MACF1: variants seen among roughly 807,000 people sequenced by gnomAD.
MACF1 encodes the protein microtubule-actin cross-linking factor 1.
A neutral mutation model predicts 854.8 loss-of-function variants in MACF1; 193 were observed. That is an observed-to-expected ratio of 0.23 (90% confidence interval 0.20 to 0.25). The LOEUF (loss-of-function observed/expected upper bound fraction) is 0.25, where lower values mean the gene tolerates loss of function less well. Among genes scored for constraint, MACF1 ranks in the 10% least tolerant of loss-of-function variants. The probability of loss-of-function intolerance (pLI) is 1.00; values close to 1 mark genes in which losing one functional copy is unlikely to be tolerated. For synonymous variants in MACF1, 3,185 were observed against 3,226.7 expected (o/e 0.99, Z 0.44); for missense variants, 7,722 against 8,929.1 (o/e 0.86, Z 5.45).
At chr1:39,401,829 A>G (rs12079417) in intron 58 of MACF1, among the ~76,000 whole-genome samples, 4,782 of 152,294 alleles carry the variant, frequency 0.031, 233 homozygotes, top group African/African-American at 0.11. Flanking sequence ...GTCATCAATG[A>G]TAAGAATTTT....
chr1:39,187,995 C>CCCTT (rs1644200754), intron 2 of MACF1, among the ~76,000 whole-genome samples: 1 of 71,692 alleles, frequency 1.4e-5, no homozygotes, highest in Non-Finnish European at 3.1e-5. Context: ...CCCCTCCCCT[C>CCCTT]CCCTTCCCTT....
chr1:39,327,105 A>G, intron 35 of MACF1, 113 bp from the exon 36 acceptor site: 1 of 1,041,884 alleles, frequency 9.6e-7, no homozygotes, highest in East Asian at 2.6e-5. Context: ...TCCGATGAAT[A>G]TGGAAGAAGA....
At chr1:39,192,238 C>T (rs558941066) in intron 2 of MACF1, among the ~76,000 whole-genome samples, 4 of 152,214 alleles carry the variant, frequency 2.6e-5, no homozygotes, top group South Asian at 4.2e-4. Context: ...GGAGGATGCA[C>T]GCTGGGGAAA....
rs1571044659 is a variant in MACF1, at chr1:39,105,571, G to A, written c.220+21133G>A. ...TGGGGCCGCCGCCGCCTCAGCGCGC[G>A]GGCCTGGAACCGGCAGCCCCCGGGG... On this transcript the variant is annotated intron_variant, in intron 2 of 93. Coordinates refer to the MACF1 transcript ENST00000361689. This position sits in a 1 kb window ranked among gnomAD's most constrained non-coding sequence, Gnocchi z 5.9. 6 of 1,117,246 alleles carry A rather than the reference G, an allele frequency of 5.4e-6. No individual in the cohort carries two copies. The highest frequency in any genetic ancestry group is 6.6e-6 in the Non-Finnish European group (6 of 907,122). 69.2% of individuals were successfully genotyped at this position (1,117,246 alleles called of 1,614,324 possible).
intron 20 of MACF1, among the ~76,000 whole-genome samples, chr1:39,296,365 A>C (rs1251325964): frequency 1.3e-5 from 2 of 151,900 alleles, no homozygotes; most frequent in Non-Finnish European, 2.9e-5. Flanking sequence ...AATAGACTCC[A>C]CCTCTTGATG....
chr1:39,358,678 C>T lies in MACF1; in HGVS notation c.11944-19C>T, dbSNP rs766048917. 4 of 1,611,400 alleles carry T rather than the reference C, an allele frequency of 2.5e-6. No homozygotes were observed. The highest frequency in any genetic ancestry group is 3.4e-6 in the Non-Finnish European group (4 of 1,179,330). On this transcript the variant is annotated intron_variant, in intron 45 of 100. Coordinates refer to ENST00000564288, the MANE Select transcript of MACF1 (RefSeq NM_001394062.1). The stretch of plus-strand genomic sequence containing the variant: ...CCTGACCTTGCTTAAGTCTGCTTAC[C>T]TTTCTTTCTCTGGCACAGTGTACAC...
At chr1:39,414,061 G>A (rs566982070) in intron 58 of MACF1, 1 of 1,606,248 alleles carries the variant, frequency 6.2e-7, no homozygotes, top group Admixed American at 1.7e-5. Context: ...CACCCCAGAG[G>A]AACTCAGTTC....
In MACF1 at chr1:39,360,787, T is replaced by C. The variant is rs375133070; in HGVS notation, c.12245-6T>C. Reference sequence around the variant, plus strand: ...CACTCTTTCTTTTCATGGCCTGATTTTTCAGATTCCATACTCAGCCACTTC... The same window carrying C: ...CACTCTTTCTTTTCATGGCCTGATTCTTCAGATTCCATACTCAGCCACTTC... On this transcript the variant is annotated splice_polypyrimidine_tract_variant and splice_region_variant and intron_variant, in intron 47 of 100. Coordinates refer to ENST00000564288, the MANE Select transcript of MACF1 (RefSeq NM_001394062.1). 110 of 1,585,916 alleles carry C rather than the reference T, an allele frequency of 6.9e-5. No individual in the cohort carries two copies. The highest frequency in any genetic ancestry group is 4.5e-5 in the Non-Finnish European group (52 of 1,164,648).
chr1:39,463,490 CAAAAA>C, intron 93 of MACF1, 117 bp from the exon 94 acceptor site: 1 of 511,198 alleles, frequency 2.0e-6, no homozygotes, highest in South Asian at 2.1e-5. Flanking sequence ...AACTCCATCT[CAAAAA>C]AAAAAAAAAA....
intron 2 of MACF1, among the ~76,000 whole-genome samples, chr1:39,141,951 G>T (rs528724745): frequency 6.6e-6 from 1 of 152,310 alleles, no homozygotes; most frequent in South Asian, 2.1e-4. Context: ...AGAGGAAGGT[G>T]CCTGTGCTCT....
chr1:39,385,529 G>A lies in MACF1; in HGVS notation c.13944G>A (p.Leu4648=). ...TAACAGGCCCTGGAGATGTCTCTCT[G>A]TCCACCAGCCAAGTACAGAAAGAAC... The part of the protein sequence containing the change: ...GILTGPGDVS[L]STSQVQKELQ... The change falls in exon 57 of 101, where the codon CTG becomes CTA. Residue 4648 remains leucine (L), a synonymous_variant. Transcript: ENST00000564288. 6.2e-7 allele frequency: 1 copy of A among 1,614,178 alleles called. No homozygotes were observed. The highest frequency in any genetic ancestry group is 8.5e-7 in the Non-Finnish European group (1 of 1,180,038).
intron 6 of MACF1, among the ~76,000 whole-genome samples, chr1:39,273,131 ATTTTTTTTTTTT>A (rs561821846): frequency 1.7e-5 from 2 of 120,448 alleles, no homozygotes; most frequent in African/African-American, 6.4e-5. Flanking sequence ...CTCTATACCA[ATTTTTTTTTTTT>A]TTTTTTTTTT....
At chr1:39,186,986 A>AT (rs11427661) in intron 2 of MACF1, among the ~76,000 whole-genome samples, 6,315 of 134,548 alleles carry the variant, frequency 0.047, 333 homozygotes, top group African/African-American at 0.13. Context: ...GTGATTCTTG[A>AT]TTTTTTTTTT....
At position 39,357,658 on chromosome 1, in the gene MACF1, T is replaced by C; in HGVS notation, c.11708T>C (p.Met3903Thr). The C allele has an allele frequency of 1.2e-6, 2 of 1,614,094 alleles. No homozygotes were observed. Among genetic ancestry groups the C allele is most frequent in the Non-Finnish European group, 1.7e-6 (2 of 1,180,010 alleles). Reference sequence around the variant, plus strand: ...CGATCCGAGAAAGAGCTGGAGAACATGCATAAGGGAGGCAGCAGCCCCGAG... The same window carrying C: ...CGATCCGAGAAAGAGCTGGAGAACACGCATAAGGGAGGCAGCAGCCCCGAG... Reference protein sequence around the residue: ...LERSEKELENMHKGGSSPETL... With the variant: ...LERSEKELENTHKGGSSPETL... The change falls in exon 45 of 101, where the codon ATG (methionine) becomes ACG (threonine). Residue 3903 changes from methionine (M) to threonine (T), a missense_variant. Physicochemically the swap from Met to Thr is moderately conservative, Grantham distance 81 (BLOSUM62 -1). This residue lies in a region of MACF1 where 2,807 missense variants were observed against 3,235.8 expected (regional missense o/e 0.87). Transcript: ENST00000564288.
At chr1:39,355,700 G>A (rs1417202473) in intron 44 of MACF1, among the ~76,000 whole-genome samples, 1 of 151,970 alleles carries the variant, frequency 6.6e-6, no homozygotes, top group Non-Finnish European at 1.5e-5. Context: ...TCTTGGCCTC[G>A]TGATCCACCC....
Position 39,388,580 on chromosome 1 carries a change from A to G in MACF1, c.15738A>G (p.Ala5246=). ...AAGGACTCAATGACGCGACCACAGCAGCAGAGGAGGCAGAGGCCCTCCAGT... is the reference window on the plus strand; with the variant it reads ...AAGGACTCAATGACGCGACCACAGCGGCAGAGGAGGCAGAGGCCCTCCAGT... ...KLKGLNDATT[A]AEEAEALQWV... The change falls in exon 58 of 101, where the codon GCA becomes GCG. Residue 5246 remains alanine (A), a synonymous_variant. Transcript: ENST00000564288. The G allele has an allele frequency of 6.2e-7, 1 of 1,614,036 alleles. No homozygotes were observed. Among genetic ancestry groups the G allele is most frequent in the East Asian group, 2.2e-5 (1 of 44,880 alleles).
intron 57 of MACF1, among the ~76,000 whole-genome samples, chr1:39,386,749 G>C (rs1043895440): frequency 6.6e-6 from 1 of 151,742 alleles, no homozygotes; most frequent in Non-Finnish European, 1.5e-5. Flanking sequence ...ATTTTTAGTA[G>C]AGACGAGGTC....
In MACF1 at chr1:39,302,982, G is replaced by A; in HGVS notation, c.2693G>A (p.Trp898Ter). 6.2e-7 allele frequency: 1 copy of A among 1,614,188 alleles called. No homozygotes were observed. Among genetic ancestry groups the A allele is most frequent in the Non-Finnish European group, 8.5e-7 (1 of 1,180,022 alleles). Residue 898 changes from tryptophan (W) to a stop codon, truncating the protein, a stop_gained, in exon 23 of 101, where the codon TGG becomes TAG. Transcript: ENST00000564288. LOFTEE classifies it high-confidence loss of function. ...VLEDNSQRTK[W>*]KVISPTGNEA... Reference sequence around the variant, plus strand: ...GAAGATAATTCTCAGCGGACCAAATGGAAAGTGATCAGCCCCACAGGGAAC... The same window carrying A: ...GAAGATAATTCTCAGCGGACCAAATAGAAAGTGATCAGCCCCACAGGGAAC...
Position 39,361,550 on chromosome 1 carries a change from T to C in MACF1, c.12644T>C (p.Leu4215Pro). The C allele has an allele frequency of 6.8e-6, 11 of 1,613,546 alleles. No individual in the cohort carries two copies. The highest frequency in any genetic ancestry group is 9.3e-6 in the Non-Finnish European group (11 of 1,179,504). Residue 4215 changes from leucine to proline, a missense_variant, in exon 49 of 101, where the codon CTA (leucine) becomes CCA (proline). By Grantham distance (98) the Leu-to-Pro change is moderately conservative (BLOSUM62 -3). Around this residue, in one of 15 missense-constraint regions of MACF1, gnomAD observed 2,807 missense variants for 3,235.8 expected, o/e 0.87. Transcript: ENST00000564288. Reference sequence around the variant, plus strand: ...AAGGAGAGCTCCCTAAAGAAGCTTCTACCCCAGGCAGAGATGTTTGAACAC... The same window carrying C: ...AAGGAGAGCTCCCTAAAGAAGCTTCCACCCCAGGCAGAGATGTTTGAACAC... ...QEKESSLKKL[L>P]PQAEMFEHLS...
Sources: gnomAD v4.1 joint callset for allele counts (sites outside exome capture counted in the v4.1 genomes callset) on GRCh38, gnomAD v4.1.1 for gene constraint, gnomAD v4.1.1 regional missense constraint, Gnocchi (gnomAD v3.1) non-coding constraint, MANE v1.5 for transcripts, NCBI Gene and HGNC (gene_info 2026-07-23, HGNC 2026-07-21) for gene names.